CYP2J2: variants seen among roughly 807,000 people sequenced by gnomAD.
CYP2J2 encodes the protein cytochrome P450 2J2.
In CYP2J2, 41 loss-of-function variants were observed where a neutral mutation model predicts 48.8. The observed-to-expected ratio is 0.84, with a 90% confidence interval of 0.66 to 1.09. The LOEUF is 1.09. Among genes scored for constraint, CYP2J2 ranks in the 50% least tolerant of loss-of-function variants. The pLI is 0.00. For synonymous variants in CYP2J2, 221 were observed against 227.1 expected (o/e 0.97, Z 0.24); for missense variants, 644 against 617.3 (o/e 1.04, Z -0.46).
intron 1 of CYP2J2, among the ~76,000 whole-genome samples, chr1:59,917,311 G>A (rs146250200): frequency 4.6e-4 from 70 of 152,298 alleles, no homozygotes; most frequent in Middle Eastern, 6.8e-3. Flanking sequence ...AAGGGGACAG[G>A]AACCCACTGG....
chr1:59,906,318 T>C (rs1644364209), intron 6 of CYP2J2, among the ~76,000 whole-genome samples: 1 of 152,198 alleles, frequency 6.6e-6, no homozygotes, highest in Non-Finnish European at 1.5e-5. Flanking sequence ...TTCCCCCTTT[T>C]GCTTCCTACT....
chr1:59,947,223 A>G, the CYP2J2 span, among the ~76,000 whole-genome samples: 1 of 152,212 alleles, frequency 6.6e-6, no homozygotes, highest in Non-Finnish European at 1.5e-5. Context: ...TTGTAAAGCA[A>G]AACAGTGCAT....
intron 8 of CYP2J2, among the ~76,000 whole-genome samples, chr1:59,896,159 T>A (rs1644266783): frequency 6.6e-6 from 1 of 152,126 alleles, no homozygotes; most frequent in Non-Finnish European, 1.5e-5. Context: ...TAATAATATG[T>A]AGAAATCAAG....
chr1:59,965,355 A>T, the CYP2J2 span, among the ~76,000 whole-genome samples: 1 of 152,298 alleles, frequency 6.6e-6, no homozygotes, highest in African/African-American at 2.4e-5. Flanking sequence ...TCAACTAGAG[A>T]GTGAATGTAG....
chr1:59,941,929 G>T, the CYP2J2 span, among the ~76,000 whole-genome samples: 1 of 152,096 alleles, frequency 6.6e-6, no homozygotes, highest in Admixed American at 6.5e-5. Context: ...ATTATTGATG[G>T]AAAAAATTAT....
the CYP2J2 span, among the ~76,000 whole-genome samples, chr1:59,935,025 T>TATATATACAC: frequency 1.2e-5 from 1 of 85,844 alleles, no homozygotes; most frequent in African/African-American, 4.0e-5. Flanking sequence ...CATATATATA[T>TATATATACAC]ATATATATAT....
chr1:59,902,467 G>A (rs1644328436), intron 7 of CYP2J2, among the ~76,000 whole-genome samples: 1 of 151,830 alleles, frequency 6.6e-6, no homozygotes, highest in South Asian at 2.1e-4. Context: ...TGTCACTGAG[G>A]CTGGAGTGCA....
chr1:59,962,855 T>C, the CYP2J2 span, among the ~76,000 whole-genome samples: 3 of 152,178 alleles, frequency 2.0e-5, no homozygotes, highest in Non-Finnish European at 4.4e-5. Context: ...AACAAACCAA[T>C]TATCCCATCA....
At chr1:59,926,414 C>A in intron 1 of CYP2J2, 123 bp downstream of exon 1, 1 of 781,470 alleles carries the variant, frequency 1.3e-6, no homozygotes, top group Non-Finnish European at 2.2e-6. Flanking sequence ...TACCAGGTTA[C>A]CAGCGTTAGC....
intron 7 of CYP2J2, among the ~76,000 whole-genome samples, chr1:59,903,365 G>T (rs1644337140): frequency 6.6e-6 from 1 of 152,210 alleles, no homozygotes; most frequent in African/African-American, 2.4e-5. Flanking sequence ...CAGGATAGTT[G>T]TCTGCAGAGA....
At chr1:59,897,347 T>C (rs1644278246) in intron 8 of CYP2J2, among the ~76,000 whole-genome samples, 1 of 152,210 alleles carries the variant, frequency 6.6e-6, no homozygotes, top group African/African-American at 2.4e-5. Flanking sequence ...TAATAAACCA[T>C]TCATTCTCGC....
the CYP2J2 span, among the ~76,000 whole-genome samples, chr1:59,942,961 T>C: frequency 2.0e-5 from 3 of 152,316 alleles, no homozygotes; most frequent in South Asian, 6.2e-4. Context: ...GTAAAGTATC[T>C]AATTTTTAAC....
At chr1:59,952,698 A>T in the CYP2J2 span, among the ~76,000 whole-genome samples, 1 of 152,128 alleles carries the variant, frequency 6.6e-6, no homozygotes, top group Non-Finnish European at 1.5e-5. Flanking sequence ...TACTCCATCA[A>T]TGTATAGCAA....
At chr1:59,945,943 T>C in the CYP2J2 span, among the ~76,000 whole-genome samples, 1 of 152,230 alleles carries the variant, frequency 6.6e-6, no homozygotes, top group African/African-American at 2.4e-5. Flanking sequence ...TAGCATCTTT[T>C]CACAAATCAT....
At chr1:59,956,432 A>G in the CYP2J2 span, among the ~76,000 whole-genome samples, 7 of 152,262 alleles carry the variant, frequency 4.6e-5, no homozygotes, top group African/African-American at 1.7e-4. Context: ...GAACTTATGA[A>G]TATGAGTACA....
the CYP2J2 span, among the ~76,000 whole-genome samples, chr1:59,964,325 T>C: frequency 6.6e-6 from 1 of 152,214 alleles, no homozygotes; most frequent in Non-Finnish European, 1.5e-5. Context: ...ACCACAGTAC[T>C]GGGATGTCAG....
At chr1:59,922,650 A>G (rs1644528158) in intron 1 of CYP2J2, among the ~76,000 whole-genome samples, 1 of 152,198 alleles carries the variant, frequency 6.6e-6, no homozygotes, top group Non-Finnish European at 1.5e-5. Context: ...ACAAAGGTGC[A>G]GATCAAGCTT....
chr1:59,968,391 T>C, the CYP2J2 span, among the ~76,000 whole-genome samples: 5 of 152,022 alleles, frequency 3.3e-5, no homozygotes, highest in Non-Finnish European at 7.4e-5. Flanking sequence ...ATTCCCCTCT[T>C]GGTCCCAATC....
the CYP2J2 span, among the ~76,000 whole-genome samples, chr1:59,953,182 C>A: frequency 6.6e-6 from 1 of 152,074 alleles, no homozygotes; most frequent in Non-Finnish European, 1.5e-5. Flanking sequence ...TGTGTCAGAG[C>A]CCAGGGAAGT....
Sources: allele counts gnomAD v4.1 joint callset (sites outside exome capture counted in the v4.1 genomes callset), GRCh38; gene constraint gnomAD v4.1.1; transcripts MANE v1.5; gene names NCBI Gene and HGNC (gene_info 2026-07-23, HGNC 2026-07-21).